DNAH9: variants seen among roughly 807,000 people sequenced by gnomAD.
DNAH9 encodes dynein axonemal heavy chain 9, also known as DNAH9 variant protein.
A neutral mutation model predicts 471.6 loss-of-function variants in DNAH9; 345 were observed. The observed-to-expected ratio is 0.73, with a 90% CI of 0.67 to 0.80. DNAH9 has a LOEUF of 0.80. Ranked by LOEUF, DNAH9 falls within the 30% of genes least tolerant of loss-of-function variation. The probability of loss-of-function intolerance (pLI) is 0.00; values close to 1 mark genes in which losing one functional copy is unlikely to be tolerated. For synonymous variants in DNAH9, 2,093 were observed against 2,123.6 expected, an observed-to-expected ratio of 0.99 and a Z score of 0.40; for missense variants, 5,407 against 5,609.2, an observed-to-expected ratio of 0.96 and a Z score of 1.15.
chr17:11,919,261 C>T (rs1974052662), intron 61 of DNAH9, among the ~76,000 whole-genome samples: 1 of 151,882 alleles, frequency 6.6e-6, no homozygotes, highest in East Asian at 2.0e-4. Context: ...TTTAGGAGGC[C>T]GAGGCGAGCA....
intron 61 of DNAH9, among the ~76,000 whole-genome samples, chr17:11,923,229 C>A (rs1486117342): frequency 6.6e-6 from 1 of 151,984 alleles, no homozygotes; most frequent in African/African-American, 2.4e-5. Context: ...GCACCTCCCA[C>A]CACACCCAGC....
intron 50 of DNAH9, among the ~76,000 whole-genome samples, chr17:11,856,885 T>C (rs1971645471): frequency 6.6e-6 from 1 of 152,076 alleles, no homozygotes; most frequent in African/African-American, 2.4e-5. Flanking sequence ...TTTATTTTTA[T>C]TTTTTATTTT....
In DNAH9 at chr17:11,929,917, G is replaced by T; in HGVS notation, c.11929G>T (p.Glu3977Ter). 6.2e-7 allele frequency: 1 copy of T among 1,614,008 alleles called. No homozygotes were observed. Among genetic ancestry groups the T allele is most frequent in the Non-Finnish European group, 8.5e-7 (1 of 1,179,994 alleles). The change falls in exon 63 of 69, where the codon GAG becomes TAG. Residue 3977 changes from glutamate to a stop codon, truncating the protein, a stop_gained. Coordinates refer to ENST00000262442, the MANE Select transcript of DNAH9 (RefSeq NM_001372.4). LOFTEE classifies it high-confidence loss of function. ...WLSTLEKKLEEHSENSHPEFR... is the reference protein window; with the variant it reads ...WLSTLEKKLE ...CAGCACCCTGGAGAAGAAGCTGGAG[G>T]AGCACAGTGAGAACAGCCACCCAGA...
Position 11,640,280 on chromosome 17 carries a change from G to C in DNAH9, c.1797G>C (p.Pro599=). The C allele has an allele frequency of 5.0e-6, 8 of 1,612,028 alleles. No individual in the cohort carries two copies. Among genetic ancestry groups the C allele is most frequent in the Non-Finnish European group, 6.8e-6 (8 of 1,178,416 alleles). ...VQEEAELGFS[P]VHKNMPTVAG... ...GTGCCATGTCTCCAGGGTTCTCCCCGGTGCACAAGAACATGCCCACCGTGG... is the reference window on the plus strand; with the variant it reads ...GTGCCATGTCTCCAGGGTTCTCCCCCGTGCACAAGAACATGCCCACCGTGG... Residue 599 remains proline, a synonymous_variant, in exon 10 of 69, where the codon CCG becomes CCC. Coordinates refer to ENST00000262442, the MANE Select transcript of DNAH9 (RefSeq NM_001372.4).
At chr17:11,621,407 C>CAAAA (rs34933930) in intron 6 of DNAH9, among the ~76,000 whole-genome samples, 9 of 72,608 alleles carry the variant, frequency 1.2e-4, no homozygotes, top group South Asian at 5.4e-4. Flanking sequence ...GACTCCATCT[C>CAAAA]AAAAAAAAAA....
At chr17:11,716,625 A>T (rs141928991) in intron 26 of DNAH9, among the ~76,000 whole-genome samples, 1 of 152,328 alleles carries the variant, frequency 6.6e-6, no homozygotes, top group Non-Finnish European at 1.5e-5. Context: ...AGATGGACCC[A>T]GTCCCATGTA....
chr17:11,784,340 A>T lies in DNAH9; in HGVS notation c.7862A>T (p.Asp2621Val). 6.2e-7 allele frequency: 1 copy of T among 1,614,166 alleles called. No homozygotes were observed. The highest frequency in any genetic ancestry group is 8.5e-7 in the Non-Finnish European group (1 of 1,180,020). ...SVFVLSFPGADALSSIYSIIL... is the reference protein window; with the variant it reads ...SVFVLSFPGAVALSSIYSIIL... ...TTTGTCCTCTCCTTCCCGGGGGCAG[A>T]TGCCCTGTCCTCTATCTACAGCATC... Residue 2621 changes from aspartate to valine, a missense_variant, in exon 41 of 69, where the codon GAT becomes GTT. Asp to Val is a radical substitution (Grantham distance 152). Around this residue, in one of 3 missense-constraint regions of DNAH9, gnomAD observed 4,636 missense variants for 4,900.3 expected, o/e 0.95. Coordinates refer to ENST00000262442, the MANE Select transcript of DNAH9 (RefSeq NM_001372.4).
intron 30 of DNAH9, among the ~76,000 whole-genome samples, chr17:11,744,118 G>A (rs923802166): frequency 4.6e-5 from 7 of 152,164 alleles, no homozygotes; most frequent in African/African-American, 7.2e-5. Flanking sequence ...GTGAGTCACC[G>A]CACCTGGCCT....
intron 67 of DNAH9, among the ~76,000 whole-genome samples, chr17:11,950,263 A>T (rs955284050): frequency 3.3e-5 from 5 of 152,196 alleles, no homozygotes; most frequent in Non-Finnish European, 7.3e-5. Context: ...CATAGTTTAC[A>T]TTGGGGTTCA....
Position 11,962,394 on chromosome 17 carries a change from G to A in DNAH9, c.13233+138G>A. 2 of 1,372,166 alleles carry A rather than the reference G, an allele frequency of 1.5e-6. No homozygotes were observed. The highest frequency in any genetic ancestry group is 1.9e-6 in the Non-Finnish European group (2 of 1,045,298). 85.0% of individuals were successfully genotyped at this position (1,372,166 alleles called of 1,614,324 possible). On this transcript the variant is annotated intron_variant, in intron 68 of 68. Coordinates refer to ENST00000262442, the MANE Select transcript of DNAH9 (RefSeq NM_001372.4). This position sits in a 1 kb window ranked among gnomAD's most constrained non-coding sequence, Gnocchi z 4.1. ...AACCTTCTTTCCTTGAGGCCATCAG[G>A]CCATTTTTATTTAGCCAGGGGTGGT...
At chr17:11,935,700 T>C (rs539220852) in intron 65 of DNAH9, among the ~76,000 whole-genome samples, 159 of 151,742 alleles carry the variant, frequency 1.0e-3, no homozygotes, top group Non-Finnish European at 1.9e-3. Context: ...GCAGTTTTTA[T>C]TGGTAGGCTT....
intron 55 of DNAH9, 126 bp from the exon 56 acceptor site, chr17:11,883,460 C>A: frequency 7.9e-7 from 1 of 1,263,616 alleles, no homozygotes; most frequent in Non-Finnish European, 1.1e-6. Context: ...TGGTCTGAAG[C>A]TCTTTGCCAT....
Position 11,768,471 on chromosome 17 carries a change from G to A in DNAH9, c.7189G>A (p.Glu2397Lys). Reference sequence around the variant, plus strand: ...TTTGCAGCTTGTGGACTACCGGGCAGAGTTCAGCAAATGGTGGCTGACTGA... The same window carrying A: ...TTTGCAGCTTGTGGACTACCGGGCAAAGTTCAGCAAATGGTGGCTGACTGA... ...VQDQLVDYRA[E>K]FSKWWLTEFK... Residue 2397 changes from glutamate (E) to lysine (K), a missense_variant, in exon 37 of 69, where the codon GAG becomes AAG. By Grantham distance (56) the Glu-to-Lys change is moderately conservative. Coordinates refer to ENST00000262442, the MANE Select transcript of DNAH9 (RefSeq NM_001372.4). 1 of 1,614,054 alleles carries A rather than the reference G, an allele frequency of 6.2e-7. No individual in the cohort carries two copies.
intron 67 of DNAH9, among the ~76,000 whole-genome samples, chr17:11,955,395 T>C (rs1004546582): frequency 1.4e-4 from 21 of 152,010 alleles, no homozygotes; most frequent in African/African-American, 4.6e-4. Context: ...AAATAAATAA[T>C]CTACAATTAT....
intron 17 of DNAH9, among the ~76,000 whole-genome samples, chr17:11,673,553 G>A (rs899473104): frequency 6.8e-6 from 1 of 148,040 alleles, no homozygotes; most frequent in Non-Finnish European, 1.5e-5. Context: ...ACAATTTTTT[G>A]TATGCACTCC....
chr17:11,763,731 C>G, intron 36 of DNAH9, 117 bp downstream of exon 36: 1 of 1,017,146 alleles, frequency 9.8e-7, no homozygotes, highest in South Asian at 1.6e-5. Flanking sequence ...TTGAAAGCAG[C>G]AAACTATTTA....
intron 11 of DNAH9, among the ~76,000 whole-genome samples, chr17:11,645,798 C>G (rs2073371398): frequency 6.6e-6 from 1 of 152,026 alleles, no homozygotes; most frequent in African/African-American, 2.4e-5. Flanking sequence ...GAAACCTTCC[C>G]TGACATTCTC....
At chr17:11,793,879 G>T (rs775597256) in intron 42 of DNAH9, among the ~76,000 whole-genome samples, 18 of 151,988 alleles carry the variant, frequency 1.2e-4, no homozygotes, top group Non-Finnish European at 2.4e-4. Context: ...GAAGTCCATA[G>T]AGATCATCTG....
intron 50 of DNAH9, among the ~76,000 whole-genome samples, chr17:11,860,704 G>A (rs1037553908): frequency 6.6e-6 from 1 of 152,100 alleles, no homozygotes; most frequent in Non-Finnish European, 1.5e-5. Flanking sequence ...TGGGATTACA[G>A]GCATGTGCCA....
Sources: gnomAD v4.1 joint callset for allele counts (sites outside exome capture counted in the v4.1 genomes callset) on GRCh38, gnomAD v4.1.1 for gene constraint, gnomAD v4.1.1 regional missense constraint, Gnocchi (gnomAD v3.1) non-coding constraint, MANE v1.5 for transcripts, NCBI Gene and HGNC (gene_info 2026-07-23, HGNC 2026-07-21) for gene names.